MOV10L1: variants seen among roughly 807,000 people sequenced by gnomAD.
The protein encoded by MOV10L1 is Mov10 like RNA helicase 1.
A neutral mutation model predicts 143.8 loss-of-function variants in MOV10L1; 110 were observed. That is an observed-to-expected ratio of 0.76 (90% CI 0.66 to 0.90). The LOEUF (loss-of-function observed/expected upper bound fraction) is 0.90. Ranked by LOEUF, MOV10L1 falls within the 40% of genes least tolerant of loss-of-function variation. MOV10L1 has a pLI of 0.00. For synonymous variants in MOV10L1, 593 were observed against 581.1 expected (o/e 1.02, Z -0.29); for missense variants, 1,406 against 1,526.8 (o/e 0.92, Z 1.32).
chr22:50,113,920 T>C (rs5771075), intron 6 of MOV10L1, 132 bp downstream of exon 6: 84,097 of 841,142 alleles, frequency 0.1, 2,565 homozygotes, highest in East Asian at 0.18. Flanking sequence ...TTCTTTTTTT[T>C]TTTTTTTTTT....
chr22:50,126,000 G>A (rs1195687210), intron 11 of MOV10L1, among the ~76,000 whole-genome samples: 1 of 151,464 alleles, frequency 6.6e-6, no homozygotes, highest in Non-Finnish European at 1.5e-5. Context: ...CGCCGTGTTA[G>A]CCAGGATGGT....
rs115111481 is a variant in MOV10L1, at chr22:50,145,850, G to C, written c.2627+40G>C. The C allele has an allele frequency of 3.3e-3, 5,363 of 1,610,300 alleles. 154 individuals carry two copies. The African/African-American group carries it at 0.063, about 19-fold the overall frequency. On this transcript the variant is annotated intron_variant, in intron 19 of 26. Transcript: ENST00000262794. ...TGGAGCGCGGCATGGGGCCTCCCAG[G>C]GCAGAGGTCGGAGTCCTCTCCTAGC...
rs568483968 is a variant in MOV10L1, at chr22:50,150,615, G to A, written c.2728-120G>A. The A allele has an allele frequency of 3.9e-5, 45 of 1,151,652 alleles. No homozygotes were observed. The African/African-American group carries it at 4.4e-4, about 11-fold the overall frequency. The allele number at this position is 1,151,652 out of a possible 1,614,324, so 71.3% of individuals were successfully genotyped here. A position where few individuals can be genotyped will look rare whatever the true frequency, so the allele number is the denominator to read the frequency against. ...CCCTGGTCTCCCAGTCCCTCCCGTC[G>A]TCCCCTGCAGCAAGAGTGAGCATGG... is the stretch of plus-strand genomic sequence containing the variant. On this transcript the variant is annotated intron_variant, in intron 20 of 26. Coordinates refer to ENST00000262794, the MANE Select transcript of MOV10L1 (RefSeq NM_018995.3).
chr22:50,151,624 C>T (rs1030402888), intron 21 of MOV10L1, among the ~76,000 whole-genome samples: 3 of 152,216 alleles, frequency 2.0e-5, no homozygotes, highest in Admixed American at 1.3e-4. Context: ...GGAAGATGGC[C>T]GGCCGTGAGC....
At chr22:50,128,327 G>A in intron 12 of MOV10L1, 89 bp from the exon 13 acceptor site, 1 of 755,408 alleles carries the variant, frequency 1.3e-6, no homozygotes, top group Non-Finnish European at 2.3e-6. Context: ...TTAGCTCAGA[G>A]CTATAGAATG....
intron 15 of MOV10L1, among the ~76,000 whole-genome samples, chr22:50,137,817 A>G (rs998865629): frequency 1.0e-5 from 1 of 100,254 alleles, no homozygotes; most frequent in Non-Finnish European, 2.2e-5. Context: ...ATATACATAT[A>G]TAAATATACA....
At chr22:50,149,766 G>C in intron 20 of MOV10L1, 52 bp downstream of exon 20, 1 of 1,519,378 alleles carries the variant, frequency 6.6e-7, no homozygotes, top group African/African-American at 1.4e-5. Context: ...GTTCTCCTGA[G>C]GGGATGCAGG....
Position 50,120,632 on chromosome 22 carries a change from T to C in MOV10L1, c.1569+16T>C. On this transcript the variant is annotated intron_variant, in intron 10 of 26. Coordinates refer to ENST00000262794, the MANE Select transcript of MOV10L1 (RefSeq NM_018995.3). ...ACTTGCAGAGGTAGGAAGTGTCTCATGGCCTGTGGGGTGTTGGCATCTTCT... is the reference window on the plus strand; with the variant it reads ...ACTTGCAGAGGTAGGAAGTGTCTCACGGCCTGTGGGGTGTTGGCATCTTCT... 6.4e-7 allele frequency: 1 copy of C among 1,554,666 alleles called. No individual in the cohort carries two copies. Among genetic ancestry groups the C allele is most frequent in the Non-Finnish European group, 8.9e-7 (1 of 1,128,138 alleles).
chr22:50,139,182 C>G (rs1206746323), intron 15 of MOV10L1, among the ~76,000 whole-genome samples: 1 of 152,020 alleles, frequency 6.6e-6, no homozygotes, highest in Non-Finnish European at 1.5e-5. Flanking sequence ...ATGCAGGGCA[C>G]GCGCAAAACA....
At chr22:50,110,952 A>G (rs2062007942) in intron 5 of MOV10L1, among the ~76,000 whole-genome samples, 1 of 152,018 alleles carries the variant, frequency 6.6e-6, no homozygotes, top group Non-Finnish European at 1.5e-5. Flanking sequence ...AAAAATTATT[A>G]GATTTCCTGT....
intron 19 of MOV10L1, chr22:50,146,928 G>C (rs1055285008): frequency 6.2e-5 from 48 of 770,136 alleles, no homozygotes; most frequent in Admixed American, 2.4e-5. Context: ...TACACTTAGA[G>C]CATGTCAGGT....
intron 13 of MOV10L1, among the ~76,000 whole-genome samples, chr22:50,129,524 A>G (rs781029280): frequency 3.3e-5 from 5 of 152,060 alleles, no homozygotes; most frequent in African/African-American, 4.8e-5. Context: ...TTTTCTGTTG[A>G]TGGACATCTT....
intron 10 of MOV10L1, among the ~76,000 whole-genome samples, chr22:50,122,564 C>T (rs2062377372): frequency 6.6e-6 from 1 of 152,132 alleles, no homozygotes; most frequent in African/African-American, 2.4e-5. Flanking sequence ...ATTGCTCTGG[C>T]TAGAACTTCT....
Position 50,128,490 on chromosome 22 carries a change from G to A in MOV10L1, c.1893G>A (p.Val631=). Residue 631 remains valine (V), a synonymous_variant, in exon 13 of 27, where the codon GTG becomes GTA. Coordinates refer to ENST00000262794, the MANE Select transcript of MOV10L1 (RefSeq NM_018995.3). The part of the protein sequence containing the change: ...EQAYNFEPMD[V]EFTYNRTTSR... ...CCTATAACTTTGAACCTATGGATGT[G>A]GAATTTACATATAATAGGTAATGCT... 1 of 1,512,026 alleles carries A rather than the reference G, an allele frequency of 6.6e-7. No individual in the cohort carries two copies. The highest frequency in any genetic ancestry group is 9.1e-7 in the Non-Finnish European group (1 of 1,096,366). 93.7% of individuals were successfully genotyped at this position (1,512,026 alleles called of 1,614,324 possible).
chr22:50,134,470 A>G (rs998404828), intron 14 of MOV10L1, 60 bp from the exon 15 acceptor site: 3 of 1,388,542 alleles, frequency 2.2e-6, no homozygotes, highest in East Asian at 2.3e-5. Flanking sequence ...AACAACCTCT[A>G]TTAATATTTT....
Position 50,149,753 on chromosome 22 carries a change from C to T in MOV10L1, c.2727+39C>T, listed in dbSNP as rs772364675. 1.1e-5 allele frequency: 17 copies of T among 1,561,264 alleles called. No individual in the cohort carries two copies. The East Asian group carries it at 3.6e-4, about 33-fold the overall frequency. ...ACTGTGTGTGCTGCTTCCTCCTCAC[C>T]CCGTTCTCCTGAGGGGATGCAGGCT... On this transcript the variant is annotated intron_variant, in intron 20 of 26. Transcript: ENST00000262794.
Position 50,113,702 on chromosome 22 carries a change from G to A in MOV10L1, c.798G>A (p.Lys266=). ...ATHFYGTILL[K]NKGDIEVTQV... The stretch of plus-strand genomic sequence containing the variant: ...ATTTCTATGGAACGATTTTGCTGAA[G>A]AACAAAGGTGATATTGAAGTTACAC... Residue 266 remains lysine, a synonymous_variant, in exon 6 of 27, where the codon AAG becomes AAA. Coordinates refer to ENST00000262794, the MANE Select transcript of MOV10L1 (RefSeq NM_018995.3). The A allele has an allele frequency of 1.9e-6, 3 of 1,614,052 alleles. No individual in the cohort carries two copies. Among genetic ancestry groups the A allele is most frequent in the African/African-American group, 1.3e-5 (1 of 75,028 alleles).
chr22:50,143,503 C>A (rs1319876580), intron 17 of MOV10L1, among the ~76,000 whole-genome samples: 1 of 152,204 alleles, frequency 6.6e-6, no homozygotes. Context: ...GTAGCTACAG[C>A]CACCATTCCA....
At position 50,158,195 on chromosome 22, in the gene MOV10L1, T is replaced by A; in HGVS notation, c.3205T>A (p.Tyr1069Asn). ...CAGCGACATTGGCGTCATCACGCCC[T>A]ACCGGAAGCAGGTACGCCCTGCCCA... ...SASDIGVITP[Y>N]RKQVEKIRIL... is the part of the protein sequence containing the mutation. Residue 1069 changes from tyrosine (Y) to asparagine (N), a missense_variant, in exon 23 of 27, where the codon TAC becomes AAC. Physicochemically the swap from Tyr to Asn is moderately radical, Grantham distance 143 (BLOSUM62 -2). Coordinates refer to ENST00000262794, the MANE Select transcript of MOV10L1 (RefSeq NM_018995.3). The surrounding 1 kb of genome is among the most constrained non-coding windows in gnomAD (Gnocchi z 5.0). 1 of 1,614,128 alleles carries A rather than the reference T, an allele frequency of 6.2e-7. No individual in the cohort carries two copies.
Sources: gnomAD v4.1 joint callset for allele counts (sites outside exome capture counted in the v4.1 genomes callset) on GRCh38, gnomAD v4.1.1 for gene constraint, Gnocchi (gnomAD v3.1) non-coding constraint, MANE v1.5 for transcripts, NCBI Gene and HGNC (gene_info 2026-07-23, HGNC 2026-07-21) for gene names.